Variants in STX17 observed in about 807,000 individuals in gnomAD.
The protein encoded by STX17 is syntaxin-17.
Under a neutral mutation model 35.9 loss-of-function variants are expected in STX17, and 29 were observed. The observed-to-expected ratio is 0.81, with a 90% CI of 0.60 to 1.10. STX17 has a LOEUF of 1.10. Among genes scored for constraint, STX17 ranks in the 50% least tolerant of loss-of-function variants. STX17 has a pLI of 0.00. For missense variants in STX17, 312 were observed against 352.3 expected, an observed-to-expected ratio of 0.89 and a Z score of 0.92; for synonymous variants, 92 against 118.3, an observed-to-expected ratio of 0.78 and a Z score of 1.44.
rs137976076 is a variant in STX17 at position 99,949,111 on chromosome 9, T to C, written c.190-1949T>C. On this transcript the variant is annotated intron_variant, in intron 3 of 7. Transcript: ENST00000259400. ...TGTGTTTGTCTAGACTCCAGTTTCC[T>C]TATTGTAAAATTGTGAGGTTGTATT... Among the ~76,000 whole-genome samples, 768 of 152,228 alleles carry C rather than the reference T, an allele frequency of 5.0e-3. 5 individuals are homozygous for C. The highest frequency in any genetic ancestry group is 0.017 in the African/African-American group (699 of 41,556).
chr9:99,945,703 AT>A (rs1448297211), intron 3 of STX17: 4 of 377,654 alleles, frequency 1.1e-5, no homozygotes, highest in South Asian at 2.0e-5. Flanking sequence ...AATTTATCTA[AT>A]TTTTTCCTTT....
At chr9:99,937,257 T>C (rs2118411683) in intron 3 of STX17, among the ~76,000 whole-genome samples, 1 of 152,286 alleles carries the variant, frequency 6.6e-6, no homozygotes, top group Admixed American at 6.5e-5. Context: ...GTCTTGTGCT[T>C]TGAATTTATT....
intron 4 of STX17, among the ~76,000 whole-genome samples, chr9:99,954,679 T>C (rs1340609497): frequency 6.6e-6 from 1 of 152,096 alleles, no homozygotes; most frequent in Admixed American, 6.6e-5. Flanking sequence ...TTTTATTGCA[T>C]AGAAGTTAAG....
intron 3 of STX17, among the ~76,000 whole-genome samples, chr9:99,949,245 T>A (rs1829544309): frequency 6.6e-6 from 1 of 152,116 alleles, no homozygotes; most frequent in Non-Finnish European, 1.5e-5. Flanking sequence ...TTTCAGCTCA[T>A]ATTAGAATGG....
At chr9:99,938,785 TGGAA>T (rs1282089557) in intron 3 of STX17, among the ~76,000 whole-genome samples, 3 of 102,556 alleles carry the variant, frequency 2.9e-5, no homozygotes, top group East Asian at 3.0e-4. Context: ...AGACCTTGTC[TGGAA>T]GGAAGGAAGG....
At position 99,968,547 on chromosome 9, in the gene STX17, A is replaced by C; in HGVS notation, c.783A>C (p.Ala261=). ...TCAAAGTGGCAGGAATTGCAGCTGC[A>C]CTTGGTGGTGGGGTGTTGGGCTTCA... is the stretch of plus-strand genomic sequence containing the variant. The part of the protein sequence containing the change: ...AGFKVAGIAA[A]LGGGVLGFTG... The change falls in exon 8 of 8, where the codon GCA becomes GCC. Residue 261 remains alanine (A), a synonymous_variant. Transcript: ENST00000259400. The C allele has an allele frequency of 3.1e-6, 5 of 1,613,834 alleles. No individual in the cohort carries two copies. The highest frequency in any genetic ancestry group is 3.4e-6 in the Non-Finnish European group (4 of 1,179,906).
At chr9:99,959,314 AG>A (rs1328785838) in intron 4 of STX17, among the ~76,000 whole-genome samples, 3 of 152,118 alleles carry the variant, frequency 2.0e-5, no homozygotes, top group African/African-American at 4.8e-5. Context: ...AAGCTGAGGC[AG>A]GAGGATCAGT....
intron 1 of STX17, among the ~76,000 whole-genome samples, chr9:99,909,869 A>G (rs1828624848): frequency 6.6e-6 from 1 of 152,220 alleles, no homozygotes; most frequent in South Asian, 2.1e-4. Context: ...GCCTGTATCA[A>G]AATAACTCAA....
chr9:99,940,715 A>T (rs552035568), intron 3 of STX17, among the ~76,000 whole-genome samples: 66 of 152,104 alleles, frequency 4.3e-4, no homozygotes, highest in Non-Finnish European at 7.5e-4. Flanking sequence ...TCCTGACCTC[A>T]GGCAGTCCGC....
At chr9:99,909,514 A>T (rs1263849243) in intron 1 of STX17, among the ~76,000 whole-genome samples, 1 of 152,232 alleles carries the variant, frequency 6.6e-6, no homozygotes, top group Non-Finnish European at 1.5e-5. Flanking sequence ...GAAAAGAGGC[A>T]GTGTGATAGA....
intron 3 of STX17, among the ~76,000 whole-genome samples, chr9:99,949,965 A>ACT (rs1265612346): frequency 1.3e-5 from 2 of 150,490 alleles, no homozygotes; most frequent in East Asian, 1.9e-4. Flanking sequence ...ACACACACAC[A>ACT]CTCCTATGTG....
chr9:99,912,250 C>G (rs961730261), intron 1 of STX17, among the ~76,000 whole-genome samples: 19 of 151,918 alleles, frequency 1.3e-4, no homozygotes, highest in African/African-American at 4.3e-4. Context: ...AAAAAGAGGC[C>G]TCTTTTGCTA....
At chr9:99,923,381 A>C (rs951258008) in intron 2 of STX17, among the ~76,000 whole-genome samples, 4 of 152,220 alleles carry the variant, frequency 2.6e-5, no homozygotes. Flanking sequence ...CCTGCATGCA[A>C]GGTTGATACT....
At position 99,968,738 on chromosome 9, in the gene STX17, A is replaced by G; in HGVS notation, c.*65A>G. 1 of 1,560,040 alleles carries G rather than the reference A, an allele frequency of 6.4e-7. No homozygotes were observed. The highest frequency in any genetic ancestry group is 1.2e-5 in the South Asian group (1 of 80,190). ...CTGAGGACCTTTGCTGCTGTTGGAC[A>G]CTCCGTCACCTTTTGGAACACAAGT... On this transcript the variant is annotated 3_prime_UTR_variant, in exon 8 of 8. Transcript: ENST00000259400.
chr9:99,951,248 G>T lies in STX17; in HGVS notation c.378G>T (p.Leu126Phe). ...AGCAATTTAATGATGAAGAAACTTT[G>T]CTACAGCCTCCTTTGACCAGATCCA... ...LKKQFNDEET[L>F]LQPPLTRSMT... The change falls in exon 4 of 8, where the codon TTG becomes TTT. Residue 126 changes from leucine (L) to phenylalanine (F), a missense_variant. Physicochemically the swap from Leu to Phe is conservative, Grantham distance 22. Transcript: ENST00000259400. 1 of 1,612,908 alleles carries T rather than the reference G, an allele frequency of 6.2e-7. No individual in the cohort carries two copies.
Position 99,915,199 on chromosome 9 carries a change from A to G in STX17, c.-41A>G. 6.3e-7 allele frequency: 1 copy of G among 1,590,100 alleles called. No homozygotes were observed. Among genetic ancestry groups the G allele is most frequent in the Non-Finnish European group, 8.5e-7 (1 of 1,170,574 alleles). On this transcript the variant is annotated 5_prime_UTR_variant, in exon 2 of 8. Transcript: ENST00000259400. ...TTAGGTTTTTCTATATGAGTGGAGA[A>G]GACAGCTGTTACCAGGGAGGTCATA...
rs200813396 is a variant in STX17, at chr9:99,918,503, GT to G, written c.123+3154del. Among the ~76,000 whole-genome samples, 93 of 141,206 alleles carry G rather than the reference GT, an allele frequency of 6.6e-4. 1 individual carries two copies. The highest frequency in any genetic ancestry group is 2.7e-3 in the South Asian group (12 of 4,424). 92.6% of individuals were successfully genotyped at this position (141,206 alleles called of 152,430 possible). A position where few individuals can be genotyped will look rare whatever the true frequency, so the allele number is the denominator to read the frequency against. ...TGCTGTATCATAACATCTTTCTATA[GT>G]TTTTTTTTTTTTGTAAGTTTTCTTC... On this transcript the variant is annotated intron_variant, in intron 2 of 7. Coordinates refer to ENST00000259400, the MANE Select transcript of STX17 (RefSeq NM_017919.3).
intron 2 of STX17, among the ~76,000 whole-genome samples, chr9:99,926,505 C>CT (rs551609742): frequency 0.025 from 3,601 of 145,026 alleles, 57 homozygotes; most frequent in African/African-American, 0.054. Context: ...TTGAGTCTTT[C>CT]TTTTTTTTTT....
intron 3 of STX17, among the ~76,000 whole-genome samples, chr9:99,934,146 T>G (rs1000830208): frequency 6.6e-6 from 1 of 152,146 alleles, no homozygotes; most frequent in African/African-American, 2.4e-5. Flanking sequence ...ATTTTTCAGA[T>G]ACCAGAAAGC....
Sources: allele counts gnomAD v4.1 joint callset (sites outside exome capture counted in the v4.1 genomes callset), GRCh38; gene constraint gnomAD v4.1.1; transcripts MANE v1.5; gene names NCBI Gene and HGNC (gene_info 2026-07-23, HGNC 2026-07-21).